The following CNTNAP2 variants were observed in gnomAD, a reference collection of about 807,000 sequenced individuals.
The protein encoded by CNTNAP2 is contactin-associated protein-like 2.
In CNTNAP2, 98 loss-of-function variants were observed where a neutral mutation model predicts 155.2. The observed-to-expected ratio is 0.63, with a 90% confidence interval of 0.54 to 0.75. The LOEUF is 0.75. CNTNAP2 is among the 30% of genes least tolerant of loss of function. The pLI, the probability that CNTNAP2 is intolerant of heterozygous loss-of-function variation, is 0.00. For missense variants in CNTNAP2, 1,727 were observed against 1,688.1 expected (o/e 1.02, Z -0.40); for synonymous variants, 651 against 631.2 (o/e 1.03, Z -0.47).
At chr7:148,134,920 T>A (rs1804904683) in intron 16 of CNTNAP2, among the ~76,000 whole-genome samples, 2 of 152,196 alleles carry the variant, frequency 1.3e-5, no homozygotes, top group South Asian at 4.1e-4. Flanking sequence ...TTCTATGCAT[T>A]TATATATACT....
chr7:148,019,941 C>T (rs769073284), intron 15 of CNTNAP2, among the ~76,000 whole-genome samples: 2 of 152,274 alleles, frequency 1.3e-5, no homozygotes, highest in African/African-American at 4.8e-5. Flanking sequence ...CCTGCCACCA[C>T]GCCCAGCTAA....
intron 10 of CNTNAP2, among the ~76,000 whole-genome samples, chr7:147,475,084 G>T (rs1390606575): frequency 6.6e-6 from 1 of 152,120 alleles, no homozygotes; most frequent in Non-Finnish European, 1.5e-5. Flanking sequence ...TCTTTTTAAT[G>T]GCTGTCAGGG....
chr7:147,893,354 AT>A, intron 13 of CNTNAP2, among the ~76,000 whole-genome samples: 1 of 152,336 alleles, frequency 6.6e-6, no homozygotes, highest in South Asian at 2.1e-4. Context: ...ATAATTGGGA[AT>A]TAAATTGAGA....
At chr7:147,235,433 A>G (rs945374580) in intron 8 of CNTNAP2, among the ~76,000 whole-genome samples, 24 of 150,826 alleles carry the variant, frequency 1.6e-4, no homozygotes, top group African/African-American at 5.1e-4. Context: ...TCTCTGAAGA[A>G]CCCTGACTAA....
At chr7:146,827,230 A>G (rs1803422536) in intron 2 of CNTNAP2, among the ~76,000 whole-genome samples, 1 of 152,060 alleles carries the variant, frequency 6.6e-6, no homozygotes, top group Non-Finnish European at 1.5e-5. Flanking sequence ...TTATTAAATA[A>G]TGAATACAAA....
At chr7:148,302,123 G>A (rs973549629) in intron 21 of CNTNAP2, among the ~76,000 whole-genome samples, 11 of 152,208 alleles carry the variant, frequency 7.2e-5, no homozygotes, top group African/African-American at 2.4e-4. Context: ...GCAGTGACAG[G>A]CCCCGAACCT....
chr7:146,409,507 A>G (rs1795837535), intron 1 of CNTNAP2, among the ~76,000 whole-genome samples: 1 of 152,204 alleles, frequency 6.6e-6, no homozygotes, highest in Non-Finnish European at 1.5e-5. Context: ...AAAACATTCA[A>G]CCAATTAGAA....
intron 8 of CNTNAP2, among the ~76,000 whole-genome samples, chr7:147,208,891 A>G (rs912651714): frequency 2.6e-5 from 4 of 152,024 alleles, no homozygotes; most frequent in African/African-American, 9.6e-5. Flanking sequence ...TGTGAAACCC[A>G]TTATTAAGAA....
chr7:148,329,999 C>A (rs13246130), intron 21 of CNTNAP2, among the ~76,000 whole-genome samples: 47,667 of 152,142 alleles, frequency 0.31, 8,103 homozygotes, highest in Non-Finnish European at 0.4. Context: ...ATGCCTGCCC[C>A]ACAAAGCTAT....
intron 12 of CNTNAP2, among the ~76,000 whole-genome samples, chr7:147,603,262 T>G (rs566364985): frequency 1.3e-5 from 2 of 151,696 alleles, no homozygotes; most frequent in African/African-American, 2.4e-5. Flanking sequence ...TTTCATGTGT[T>G]TTTTGGCTGC....
At chr7:146,554,150 G>A (rs951997330) in intron 1 of CNTNAP2, among the ~76,000 whole-genome samples, 55 of 152,232 alleles carry the variant, frequency 3.6e-4, no homozygotes, top group African/African-American at 1.3e-3. Context: ...ACAAACAACT[G>A]GAGCCTTGCT....
intron 3 of CNTNAP2, among the ~76,000 whole-genome samples, chr7:146,851,946 A>C (rs1223531145): frequency 2.6e-5 from 4 of 152,002 alleles, no homozygotes; most frequent in Non-Finnish European, 4.4e-5. Flanking sequence ...TCGGCCTCCC[A>C]AAGTGTTAGG....
chr7:147,996,937 G>C lies in CNTNAP2; in HGVS notation c.2383+18948G>C, dbSNP rs1042749273. 2.0e-5 allele frequency among the ~76,000 whole-genome samples: 3 copies of C among 152,106 alleles called. No homozygotes were observed. The South Asian group carries it at 6.2e-4, about 32-fold the overall frequency. On this transcript the variant is annotated intron_variant, in intron 15 of 23. Coordinates refer to ENST00000361727, the MANE Select transcript of CNTNAP2 (RefSeq NM_014141.6). Reference sequence around the variant, plus strand: ...GACAATATCAGGAGGTGGGGCTCTGGGAGGCAATTAGGTCATGAGGCCACT... The same window carrying C: ...GACAATATCAGGAGGTGGGGCTCTGCGAGGCAATTAGGTCATGAGGCCACT...
chr7:147,826,542 A>G (rs1563102653), intron 13 of CNTNAP2, among the ~76,000 whole-genome samples: 1 of 152,226 alleles, frequency 6.6e-6, no homozygotes, highest in African/African-American at 2.4e-5. Context: ...CACATGCTAT[A>G]TATATGATCC....
intron 1 of CNTNAP2, among the ~76,000 whole-genome samples, chr7:146,221,699 T>G (rs1263357067): frequency 6.6e-6 from 1 of 152,198 alleles, no homozygotes; most frequent in Non-Finnish European, 1.5e-5. Flanking sequence ...CTAAAAAACC[T>G]AATAGAGAAT....
At chr7:147,424,140 T>C (rs1797341357) in intron 10 of CNTNAP2, among the ~76,000 whole-genome samples, 1 of 152,092 alleles carries the variant, frequency 6.6e-6, no homozygotes, top group Non-Finnish European at 1.5e-5. Flanking sequence ...CTCCATTTCC[T>C]CCTCTCCCCC....
intron 16 of CNTNAP2, among the ~76,000 whole-genome samples, chr7:148,137,681 GA>G (rs1370429731): frequency 5.3e-4 from 49 of 93,158 alleles, no homozygotes; most frequent in African/African-American, 2.1e-3. Flanking sequence ...AGGAAGGAAG[GA>G]AGGAAGGAAG....
At chr7:148,342,620 G>T (rs1798255766) in intron 21 of CNTNAP2, among the ~76,000 whole-genome samples, 2 of 152,174 alleles carry the variant, frequency 1.3e-5, no homozygotes, top group African/African-American at 4.8e-5. Flanking sequence ...AATACTGCTA[G>T]CTCAATTTTT....
chr7:146,734,060 A>C (rs1374714646), intron 1 of CNTNAP2, among the ~76,000 whole-genome samples: 2 of 152,238 alleles, frequency 1.3e-5, no homozygotes, highest in South Asian at 4.2e-4. Context: ...GCTTAAAATA[A>C]TAATAATAAA....
Sources: gnomAD v4.1 joint callset for allele counts (sites outside exome capture counted in the v4.1 genomes callset) on GRCh38, gnomAD v4.1.1 for gene constraint, MANE v1.5 for transcripts, NCBI Gene and HGNC (gene_info 2026-07-23, HGNC 2026-07-21) for gene names.